Variants in SCOC observed in about 807,000 individuals in gnomAD.
SCOC encodes the protein short coiled-coil protein, also known as short coiled coil protein.
Under a neutral mutation model 9.9 loss-of-function variants are expected in SCOC, and 7 were observed. The observed-to-expected ratio is 0.71, with a 90% CI of 0.40 to 1.33. The LOEUF is 1.33. SCOC is among the 40% of genes most tolerant of loss of function. The probability of loss-of-function intolerance (pLI) is 0.01; values close to 1 mark genes in which losing one functional copy is unlikely to be tolerated. For missense variants in SCOC, 66 were observed against 89.7 expected (o/e 0.74, Z 1.07); for synonymous variants, 19 against 28.2 (o/e 0.67, Z 1.03).
intron 1 of SCOC, among the ~76,000 whole-genome samples, chr4:140,335,556 A>C: frequency 6.6e-6 from 1 of 152,268 alleles, no homozygotes; most frequent in Admixed American, 6.5e-5. Flanking sequence ...CTCCCAAAGA[A>C]AGAGAACCTT....
At chr4:140,292,188 G>GTT (rs1560686449) in intron 1 of SCOC, among the ~76,000 whole-genome samples, 1 of 135,934 alleles carries the variant, frequency 7.4e-6, no homozygotes, top group African/African-American at 3.4e-5. Flanking sequence ...GTACTCTTCT[G>GTT]GTTTTTTTTT....
intron 2 of SCOC, among the ~76,000 whole-genome samples, chr4:140,346,361 A>G (rs1306339811): frequency 6.6e-6 from 1 of 152,174 alleles, no homozygotes; most frequent in African/African-American, 2.4e-5. Context: ...AGGCTCTCAC[A>G]CAAGGACCAC....
chr4:140,355,777 C>G (rs1011434056), intron 2 of SCOC, among the ~76,000 whole-genome samples: 1 of 152,126 alleles, frequency 6.6e-6, no homozygotes, highest in Non-Finnish European at 1.5e-5. Flanking sequence ...GTTGCGATTA[C>G]AACCATGCAA....
intron 1 of SCOC, among the ~76,000 whole-genome samples, chr4:140,374,495 C>T (rs1317571689): frequency 1.3e-5 from 2 of 152,190 alleles, no homozygotes; most frequent in Non-Finnish European, 2.9e-5. Flanking sequence ...GAGAGTATAG[C>T]TTCCATTTAA....
At chr4:140,357,146 T>C (rs1482646761) in intron 2 of SCOC, among the ~76,000 whole-genome samples, 1 of 151,670 alleles carries the variant, frequency 6.6e-6, no homozygotes, top group Non-Finnish European at 1.5e-5. Context: ...ATTTTTGTAC[T>C]TTTTTTTAGT....
intron 2 of SCOC, among the ~76,000 whole-genome samples, chr4:140,363,424 A>C (rs1727658377): frequency 6.6e-6 from 1 of 152,196 alleles, no homozygotes. Flanking sequence ...CATAGCCTAG[A>C]AATATATAAA....
intron 1 of SCOC, among the ~76,000 whole-genome samples, chr4:140,258,924 C>T (rs1730569714): frequency 6.6e-6 from 1 of 152,222 alleles, no homozygotes. Context: ...ACCTCTGAGC[C>T]AGAGTATTTT....
chr4:140,362,299 C>CTTCTTCTTCTTT (rs367795160), intron 2 of SCOC, among the ~76,000 whole-genome samples: 3 of 38,348 alleles, frequency 7.8e-5, no homozygotes, highest in African/African-American at 2.2e-4. Flanking sequence ...TCTTCTTCTT[C>CTTCTTCTTCTTT]TTTTTTTTTT....
chr4:140,340,808 T>TTTTTTTTC (rs140552446), upstream of SCOC, among the ~76,000 whole-genome samples: 35 of 111,872 alleles, frequency 3.1e-4, 4 homozygotes, highest in East Asian at 5.5e-4. Flanking sequence ...TTTTTTTTTT[T>TTTTTTTTC]AGAGGGATAG....
chr4:140,329,909 G>C (rs1382817607), intron 1 of SCOC, among the ~76,000 whole-genome samples: 1 of 152,146 alleles, frequency 6.6e-6, no homozygotes, highest in South Asian at 2.1e-4. Flanking sequence ...TCCTTAAAGA[G>C]CTAAAAGTAG....
chr4:140,380,899 T>C (rs1331698710), intron 3 of SCOC, 63 bp from the exon 4 acceptor site: 5 of 1,257,878 alleles, frequency 4.0e-6, no homozygotes, highest in Non-Finnish European at 5.4e-6. Context: ...ATCCTAAGAA[T>C]TTTGTAATAT....
chr4:140,284,331 G>T (rs1410643962), intron 1 of SCOC: 1 of 152,072 alleles, frequency 6.6e-6, no homozygotes, highest in African/African-American at 2.4e-5. Context: ...CAAGTGGAAA[G>T]TATTTCGGGG....
chr4:140,332,359 C>CTTTTTTT (rs70943486), intron 1 of SCOC, among the ~76,000 whole-genome samples: 7 of 76,826 alleles, frequency 9.1e-5, no homozygotes, highest in African/African-American at 1.6e-4. Context: ...CTGGAGTCAT[C>CTTTTTTT]TTTTTTTTTT....
At chr4:140,333,120 C>T (rs753734700) in intron 1 of SCOC, among the ~76,000 whole-genome samples, 25 of 152,180 alleles carry the variant, frequency 1.6e-4, no homozygotes, top group Non-Finnish European at 2.4e-4. Context: ...GGTCTTTGCA[C>T]TTGCTGATCT....
At chr4:140,290,539 G>A (rs535421127) in intron 1 of SCOC, among the ~76,000 whole-genome samples, 27 of 152,282 alleles carry the variant, frequency 1.8e-4, no homozygotes, top group African/African-American at 5.3e-4. Flanking sequence ...TGAGTAGGGC[G>A]CAGTGGCTCA....
rs998845801 is a variant in SCOC, at chr4:140,381,536, C to T, written c.*432C>T. 1 of 152,616 alleles carries T rather than the reference C, an allele frequency of 6.6e-6. No homozygotes were observed. The highest frequency in any genetic ancestry group is 1.5e-5 in the Non-Finnish European group (1 of 68,158). The allele number at this position is 152,616 out of a possible 1,614,324, so 9.5% of individuals were successfully genotyped here. A position where few individuals can be genotyped will look rare whatever the true frequency, so the allele number is the denominator to read the frequency against. On this transcript the variant is annotated 3_prime_UTR_variant, in exon 4 of 4. Transcript: ENST00000608372. Reference sequence around the variant, plus strand: ...TCCATTTGCCTCTTCCTTCCTATTTCCCTTCCGCTAAGGAAAAAAATTGGT... The same window carrying T: ...TCCATTTGCCTCTTCCTTCCTATTTTCCTTCCGCTAAGGAAAAAAATTGGT...
intron 2 of SCOC, among the ~76,000 whole-genome samples, chr4:140,362,273 C>CTGTTCTTCTTCTTCTTCCTTCTTCTT: frequency 3.4e-5 from 1 of 29,076 alleles, no homozygotes; most frequent in Non-Finnish European, 7.6e-5. Flanking sequence ...ACAGGTGTGT[C>CTGTTCTTCTTCTTCTTCCTTCTTCTT]CTTACTTCTT....
chr4:140,281,026 T>C (rs1015170323), intron 1 of SCOC, among the ~76,000 whole-genome samples: 1 of 152,194 alleles, frequency 6.6e-6, no homozygotes, highest in African/African-American at 2.4e-5. Flanking sequence ...TCTTCTGATA[T>C]TGAATACAAG....
intron 2 of SCOC, among the ~76,000 whole-genome samples, chr4:140,351,916 T>C (rs1726996023): frequency 6.6e-6 from 1 of 152,226 alleles, no homozygotes; most frequent in Admixed American, 6.5e-5. Flanking sequence ...CAGGCCTTTC[T>C]TTTCTGATAT....
Sources: allele counts gnomAD v4.1 joint callset (sites outside exome capture counted in the v4.1 genomes callset), GRCh38; gene constraint gnomAD v4.1.1; transcripts MANE v1.5; gene names NCBI Gene and HGNC (gene_info 2026-07-23, HGNC 2026-07-21).